Variants in PCDH7 observed in about 807,000 individuals in gnomAD.
The protein encoded by PCDH7 is protocadherin-7.
In PCDH7, 17 loss-of-function variants were observed where a neutral mutation model predicts 58.9. The observed-to-expected ratio is 0.29, with a 90% confidence interval of 0.20 to 0.43. PCDH7 has a LOEUF of 0.43. Among genes scored for constraint, PCDH7 ranks in the 20% least tolerant of loss-of-function variants. The pLI is 1.00. For missense variants in PCDH7, 1,274 were observed against 1,441.0 expected (o/e 0.88, Z 1.88); for synonymous variants, 664 against 616.4 (o/e 1.08, Z -1.14).
chr4:31,083,523 A>G (rs1247345675), intron 3 of PCDH7, among the ~76,000 whole-genome samples: 1 of 152,078 alleles, frequency 6.6e-6, no homozygotes, highest in Non-Finnish European at 1.5e-5. Context: ...CTTTTTTGCC[A>G]TACTCTTAAA....
intron 1 of PCDH7, among the ~76,000 whole-genome samples, chr4:30,863,438 A>G (rs1456899311): frequency 6.6e-6 from 1 of 152,118 alleles, no homozygotes; most frequent in South Asian, 2.1e-4. Flanking sequence ...TCTACAACAC[A>G]GAAGCTAGGT....
intron 3 of PCDH7, among the ~76,000 whole-genome samples, chr4:31,018,303 A>C (rs1269425086): frequency 6.6e-6 from 1 of 152,162 alleles, no homozygotes; most frequent in South Asian, 2.1e-4. Flanking sequence ...GGGGAGAAAG[A>C]TTCTGATCAG....
chr4:31,140,876 GAATA>G (rs1720168348), intron 3 of PCDH7, among the ~76,000 whole-genome samples: 1 of 152,110 alleles, frequency 6.6e-6, no homozygotes, highest in Non-Finnish European at 1.5e-5. Context: ...TCGGCAACTG[GAATA>G]AATAATTAAC....
intron 1 of PCDH7, among the ~76,000 whole-genome samples, chr4:30,866,227 T>C (rs1284596264): frequency 6.6e-6 from 1 of 152,116 alleles, no homozygotes; most frequent in Non-Finnish European, 1.5e-5. Context: ...TATTTACATG[T>C]TGGTAATGAG....
At chr4:30,960,149 G>GT (rs1748266863) in intron 3 of PCDH7, among the ~76,000 whole-genome samples, 1 of 114,924 alleles carries the variant, frequency 8.7e-6, no homozygotes, top group Admixed American at 8.8e-5. Context: ...AAGGAAGGAA[G>GT]GAAGGGAGGG....
At chr4:30,947,455 A>G (rs1386591162) in intron 2 of PCDH7, among the ~76,000 whole-genome samples, 2 of 152,136 alleles carry the variant, frequency 1.3e-5, no homozygotes, top group African/African-American at 4.8e-5. Context: ...CAAATGCCTC[A>G]TGGGGATGAG....
At chr4:31,036,925 C>G (rs1024161292) in intron 3 of PCDH7, among the ~76,000 whole-genome samples, 2 of 152,108 alleles carry the variant, frequency 1.3e-5, no homozygotes, top group African/African-American at 4.8e-5. Context: ...CTGGGAAACT[C>G]CCCTTTATAA....
chr4:30,938,343 A>C (rs562857118), intron 2 of PCDH7, among the ~76,000 whole-genome samples: 1 of 152,226 alleles, frequency 6.6e-6, no homozygotes, highest in Admixed American at 6.6e-5. Flanking sequence ...TGCATTTCTA[A>C]ACAAATTTTA....
At chr4:30,793,547 A>G (rs1288416109) in intron 1 of PCDH7, among the ~76,000 whole-genome samples, 1 of 152,144 alleles carries the variant, frequency 6.6e-6, no homozygotes, top group African/African-American at 2.4e-5. Context: ...AAAAAAGAAA[A>G]AGAAAGAAAA....
chr4:30,867,939 A>G (rs895875822), intron 1 of PCDH7, among the ~76,000 whole-genome samples: 2 of 152,066 alleles, frequency 1.3e-5, no homozygotes, highest in African/African-American at 4.8e-5. Context: ...AGGTCTGTCA[A>G]TCATGCTGGT....
chr4:30,916,524 T>C (rs779188781), intron 1 of PCDH7, among the ~76,000 whole-genome samples: 10 of 152,236 alleles, frequency 6.6e-5, no homozygotes, highest in Admixed American at 5.2e-4. Flanking sequence ...GCTGGCAGAC[T>C]GTCACTCTTC....
intron 3 of PCDH7, among the ~76,000 whole-genome samples, chr4:31,106,135 A>C (rs537496077): frequency 6.6e-6 from 1 of 152,158 alleles, no homozygotes; most frequent in Non-Finnish European, 1.5e-5. Flanking sequence ...ACAAAACAAA[A>C]ATTCAAAGTA....
chr4:30,752,595 A>G lies in PCDH7; in HGVS notation c.70+27999A>G, dbSNP rs186431833. On this transcript the variant is annotated intron_variant, in intron 1 of 3. Coordinates refer to the PCDH7 transcript ENST00000509759. The stretch of plus-strand genomic sequence containing the variant: ...TTTTGATCTAAATGTGAGGAATGTT[A>G]ACAGTGCACGTATGTATTAGAAGAT... Among the ~76,000 whole-genome samples, 35 of 151,512 alleles carry G rather than the reference A, an allele frequency of 2.3e-4. 2 individuals are homozygous for G. In the East Asian group the frequency reaches 5.6e-3, roughly 24 times the overall value.
chr4:30,909,985 C>T (rs767075963), intron 1 of PCDH7, among the ~76,000 whole-genome samples: 2 of 152,144 alleles, frequency 1.3e-5, no homozygotes, highest in African/African-American at 4.8e-5. Flanking sequence ...AATATGTAGA[C>T]CAATGGAACA....
chr4:30,872,654 G>A (rs749450999), intron 1 of PCDH7, among the ~76,000 whole-genome samples: 2 of 151,956 alleles, frequency 1.3e-5, no homozygotes, highest in Non-Finnish European at 1.5e-5. Context: ...ATAAAATGAG[G>A]ACAATTCCTA....
chr4:31,114,472 A>C (rs1480155494), intron 3 of PCDH7, among the ~76,000 whole-genome samples: 1 of 152,128 alleles, frequency 6.6e-6, no homozygotes, highest in East Asian at 1.9e-4. Flanking sequence ...TTGACCTATA[A>C]ATTACCCCAA....
intron 1 of PCDH7, among the ~76,000 whole-genome samples, chr4:30,810,140 G>T (rs779645338): frequency 5.3e-5 from 8 of 152,100 alleles, no homozygotes; most frequent in Non-Finnish European, 1.0e-4. Flanking sequence ...ATCAGGATTA[G>T]AATTCTCTCT....
intron 3 of PCDH7, among the ~76,000 whole-genome samples, chr4:31,014,403 A>G (rs1442653905): frequency 6.6e-6 from 1 of 152,188 alleles, no homozygotes; most frequent in African/African-American, 2.4e-5. Flanking sequence ...TATTATAAGC[A>G]GTTTGCATGA....
chr4:30,935,544 C>A (rs1262089705), intron 2 of PCDH7, among the ~76,000 whole-genome samples: 1 of 152,108 alleles, frequency 6.6e-6, no homozygotes, highest in Non-Finnish European at 1.5e-5. Flanking sequence ...AAGAAACCTG[C>A]ATATATTTTC....
Sources: allele counts gnomAD v4.1 joint callset (sites outside exome capture counted in the v4.1 genomes callset), GRCh38; gene constraint gnomAD v4.1.1; transcripts MANE v1.5; gene names NCBI Gene and HGNC (gene_info 2026-07-23, HGNC 2026-07-21).